Variants in STARD13 observed in about 807,000 individuals in gnomAD.
STARD13 encodes the protein StAR related lipid transfer domain containing 13.
In STARD13, 62 loss-of-function variants were observed where a neutral mutation model predicts 106.4. The ratio of observed to expected loss-of-function variants is 0.58; its 90% confidence interval spans 0.48 to 0.72. The LOEUF is 0.72. Among genes scored for constraint, STARD13 ranks in the 30% least tolerant of loss-of-function variants. STARD13 has a pLI of 0.00. For missense variants in STARD13, 1,387 were observed against 1,424.0 expected, an observed-to-expected ratio of 0.97 and a Z score of 0.42; for synonymous variants, 565 against 553.0, an observed-to-expected ratio of 1.02 and a Z score of -0.31.
intron 1 of STARD13, among the ~76,000 whole-genome samples, chr13:33,209,647 T>C (rs1887609418): frequency 1.6e-4 from 24 of 152,138 alleles, no homozygotes; most frequent in Admixed American, 1.6e-3. Context: ...TTCTTTTCAA[T>C]GACAGGACAT....
chr13:33,242,200 C>T (rs1594154859), intron 1 of STARD13, among the ~76,000 whole-genome samples: 1 of 152,166 alleles, frequency 6.6e-6, no homozygotes, highest in South Asian at 2.1e-4. Flanking sequence ...GCCGCCCCAT[C>T]CGGGAGGTGG....
At chr13:33,631,630 G>T in the STARD13 span, among the ~76,000 whole-genome samples, 1 of 152,026 alleles carries the variant, frequency 6.6e-6, no homozygotes, top group Admixed American at 6.6e-5. Context: ...ATTTGTGTTT[G>T]TTTATTTTAA....
chr13:33,381,116 A>G, the STARD13 span, among the ~76,000 whole-genome samples: 1 of 152,340 alleles, frequency 6.6e-6, no homozygotes, highest in East Asian at 1.9e-4. Context: ...TGAGGGAACA[A>G]ATGTCCTCTG....
At chr13:33,262,496 C>G (rs549536237) in intron 1 of STARD13, among the ~76,000 whole-genome samples, 1 of 152,100 alleles carries the variant, frequency 6.6e-6, no homozygotes. Flanking sequence ...GCAGATGATT[C>G]GAACTTTCTG....
intron 1 of STARD13, among the ~76,000 whole-genome samples, chr13:33,350,120 G>T (rs2078059904): frequency 6.6e-6 from 1 of 152,094 alleles, no homozygotes; most frequent in African/African-American, 2.4e-5. Flanking sequence ...GCGGGAGGGC[G>T]CTCGGGGCCC....
the STARD13 span, among the ~76,000 whole-genome samples, chr13:33,631,534 G>C: frequency 1.3e-5 from 2 of 152,208 alleles, no homozygotes; most frequent in Non-Finnish European, 2.9e-5. Flanking sequence ...TCCTAATGCT[G>C]ATGCCTATAC....
chr13:33,165,550 G>T, intron 2 of STARD13, 132 bp from the exon 3 acceptor site: 1 of 683,216 alleles, frequency 1.5e-6, no homozygotes, highest in Non-Finnish European at 2.5e-6. Context: ...TGTTGGGAAT[G>T]TTTAAGAGAG....
At chr13:33,350,247 C>CCTCCCCCGCCCCCGTGGGTCGCGGCGT in intron 1 of STARD13, 1 of 1,503,332 alleles carries the variant, frequency 6.7e-7, no homozygotes, top group Non-Finnish European at 8.8e-7. Flanking sequence ...GGGGCCGGCG[C>CCTCCCCCGCCCCCGTGGGTCGCGGCGT]CTCCCCCGCC....
chr13:33,615,315 T>C, the STARD13 span, among the ~76,000 whole-genome samples: 1 of 152,128 alleles, frequency 6.6e-6, no homozygotes, highest in Non-Finnish European at 1.5e-5. Flanking sequence ...CTTTGGCTCC[T>C]AAGTAGCAGA....
chr13:33,659,460 C>T, the STARD13 span, among the ~76,000 whole-genome samples: 6 of 152,164 alleles, frequency 3.9e-5, no homozygotes, highest in Non-Finnish European at 7.3e-5. Flanking sequence ...GTGATCCACC[C>T]GCCTTGGCCT....
the STARD13 span, among the ~76,000 whole-genome samples, chr13:33,388,706 AT>A: frequency 4.6e-5 from 7 of 152,114 alleles, no homozygotes; most frequent in African/African-American, 1.7e-4. Flanking sequence ...TGGACCTGAA[AT>A]TACCTACTTG....
the STARD13 span, among the ~76,000 whole-genome samples, chr13:33,362,047 ATTAC>A: frequency 6.6e-6 from 1 of 152,214 alleles, no homozygotes; most frequent in Non-Finnish European, 1.5e-5. Context: ...AATGTCTGAT[ATTAC>A]TTAGTGTGTT....
the STARD13 span, among the ~76,000 whole-genome samples, chr13:33,358,001 G>A: frequency 2.6e-5 from 4 of 152,342 alleles, no homozygotes; most frequent in South Asian, 4.1e-4. Context: ...AGCGGGAACC[G>A]GGGCTGCGTG....
chr13:33,373,231 C>T, the STARD13 span, among the ~76,000 whole-genome samples: 2 of 152,206 alleles, frequency 1.3e-5, no homozygotes, highest in African/African-American at 4.8e-5. Context: ...TTGAAGCTTC[C>T]TTTGTGCACC....
In STARD13 at chr13:33,238,560, G is replaced by T. The variant is rs190507893; in HGVS notation, c.169+46910C>A. ...TTTGAAATTTTGGTTGGGGATCCCA[G>T]GGTGTAAATTTTTGCCATATGAAAG... On this transcript the variant is annotated intron_variant, in intron 1 of 13. Transcript: ENST00000336934. 3.2e-4 allele frequency among the ~76,000 whole-genome samples: 48 copies of T among 152,236 alleles called. No individual in the cohort carries two copies. In the East Asian group the frequency reaches 9.3e-3, roughly 29 times the overall value.
At chr13:33,240,659 T>C (rs144929563) in intron 1 of STARD13, among the ~76,000 whole-genome samples, 36 of 151,970 alleles carry the variant, frequency 2.4e-4, no homozygotes, top group African/African-American at 6.7e-4. Flanking sequence ...CCTTAAGTAT[T>C]TTATCCTTAA....
intron 1 of STARD13, among the ~76,000 whole-genome samples, chr13:33,334,509 A>G (rs1034318599): frequency 2.0e-5 from 3 of 152,146 alleles, no homozygotes; most frequent in African/African-American, 7.2e-5. Flanking sequence ...AAAACCCTTA[A>G]TCAGGGCCTG....
intron 1 of STARD13, chr13:33,185,810 A>G: frequency 6.5e-7 from 1 of 1,534,270 alleles, no homozygotes; most frequent in South Asian, 1.2e-5. Context: ...GAGGCCATGC[A>G]AGGCTAAGTA....
chr13:33,237,822 G>A (rs536887236), intron 1 of STARD13, among the ~76,000 whole-genome samples: 1 of 152,268 alleles, frequency 6.6e-6, no homozygotes, highest in South Asian at 2.1e-4. Context: ...GAGTCTTTAT[G>A]GCTTAGAATC....
Sources: gnomAD v4.1 joint callset for allele counts (sites outside exome capture counted in the v4.1 genomes callset) on GRCh38, gnomAD v4.1.1 for gene constraint, MANE v1.5 for transcripts, NCBI Gene and HGNC (gene_info 2026-07-23, HGNC 2026-07-21) for gene names.